The following MAD1L1 variants were observed in gnomAD, a reference collection of about 807,000 sequenced individuals.
MAD1L1 encodes the protein mitotic spindle assembly checkpoint protein MAD1.
A neutral mutation model predicts 96.9 loss-of-function variants in MAD1L1; 95 were observed. The ratio of observed to expected loss-of-function variants is 0.98; its 90% CI spans 0.83 to 1.16. The LOEUF (loss-of-function observed/expected upper bound fraction) is 1.16, where lower values mean the gene tolerates loss of function less well. Ranked by LOEUF, MAD1L1 falls within the 50% of genes most tolerant of loss-of-function variation. The probability of loss-of-function intolerance (pLI) is 0.00; values close to 1 mark genes in which losing one functional copy is unlikely to be tolerated. For synonymous variants in MAD1L1, 473 were observed against 396.6 expected (o/e 1.19, Z -2.29); for missense variants, 1,007 against 954.4 (o/e 1.06, Z -0.73).
chr7:1,858,450 T>C (rs946430709), intron 18 of MAD1L1, among the ~76,000 whole-genome samples: 5 of 152,242 alleles, frequency 3.3e-5, no homozygotes, highest in Non-Finnish European at 5.9e-5. Context: ...ACCCAGGGGC[T>C]CTGCGTGTGA....
At chr7:2,005,477 G>A (rs1022190467) in intron 13 of MAD1L1, among the ~76,000 whole-genome samples, 9 of 152,278 alleles carry the variant, frequency 5.9e-5, no homozygotes, top group African/African-American at 1.7e-4. Flanking sequence ...GAATTAGGGA[G>A]GAAAAGAAGG....
At chr7:1,985,343 G>A (rs1281963010) in intron 14 of MAD1L1, among the ~76,000 whole-genome samples, 3 of 152,254 alleles carry the variant, frequency 2.0e-5, no homozygotes, top group East Asian at 3.9e-4. Context: ...CACAGGCTCC[G>A]CTGGTTCTCA....
At chr7:1,902,979 C>T (rs1313586243) in intron 17 of MAD1L1, among the ~76,000 whole-genome samples, 2 of 149,638 alleles carry the variant, frequency 1.3e-5, no homozygotes, top group Admixed American at 6.7e-5. Context: ...ACCCAGTGGC[C>T]TACAGAAGAC....
Position 2,169,275 on chromosome 7 carries a change from G to C in MAD1L1, c.987-20037C>G, listed in dbSNP as rs567007750. Among the ~76,000 whole-genome samples, 231 of 152,270 alleles carry C rather than the reference G, an allele frequency of 1.5e-3. 10 individuals are homozygous for C. The highest frequency in any genetic ancestry group is 5.8e-3 in the South Asian group (28 of 4,820). On this transcript the variant is annotated intron_variant, in intron 10 of 18. Coordinates refer to ENST00000265854, the MANE Select transcript of MAD1L1 (RefSeq NM_001013836.2). Reference sequence around the variant, plus strand: ...GGTAAACCGGAATCTCCTAAGAGCGGGTAGGGATGCGACTGGTGGGATTAC... The same window carrying C: ...GGTAAACCGGAATCTCCTAAGAGCGCGTAGGGATGCGACTGGTGGGATTAC...
intron 10 of MAD1L1, among the ~76,000 whole-genome samples, chr7:2,164,078 G>A (rs1329400015): frequency 3.3e-5 from 5 of 152,154 alleles, no homozygotes; most frequent in African/African-American, 9.7e-5. Context: ...GTCCAGCATG[G>A]ACTCACTGAG....
chr7:1,887,021 A>G (rs909921501), intron 18 of MAD1L1, among the ~76,000 whole-genome samples: 2 of 152,126 alleles, frequency 1.3e-5, no homozygotes, highest in African/African-American at 4.8e-5. Context: ...CAGGAAGAAG[A>G]CTCCACATCT....
chr7:2,115,219 G>A (rs374693591), intron 11 of MAD1L1, among the ~76,000 whole-genome samples: 29 of 152,100 alleles, frequency 1.9e-4, no homozygotes, highest in South Asian at 4.1e-4. Context: ...CGCATGTTCC[G>A]GGGTCAGAGG....
intron 15 of MAD1L1, among the ~76,000 whole-genome samples, chr7:1,978,792 G>A (rs1314000341): frequency 1.3e-5 from 2 of 152,114 alleles, no homozygotes; most frequent in South Asian, 2.1e-4. Flanking sequence ...AGATGAAGAC[G>A]GAGAGCGCGT....
chr7:2,222,966 G>A (rs1793690238), intron 4 of MAD1L1, among the ~76,000 whole-genome samples: 1 of 152,232 alleles, frequency 6.6e-6, no homozygotes, highest in Non-Finnish European at 1.5e-5. Context: ...TGAGCACTGT[G>A]CGAGGTCAGG....
intron 12 of MAD1L1, among the ~76,000 whole-genome samples, chr7:2,045,838 C>A (rs1239365978): frequency 6.6e-6 from 1 of 152,192 alleles, no homozygotes; most frequent in African/African-American, 2.4e-5. Context: ...CCCTAAGCCT[C>A]GGAGCACATG....
chr7:2,019,266 C>G (rs1240020890), intron 12 of MAD1L1, among the ~76,000 whole-genome samples: 1 of 152,204 alleles, frequency 6.6e-6, no homozygotes, highest in African/African-American at 2.4e-5. Context: ...GGGACAGAGG[C>G]TGGGAGAGGC....
At chr7:2,073,640 C>CTT (rs147852145) in intron 11 of MAD1L1, among the ~76,000 whole-genome samples, 6,978 of 152,298 alleles carry the variant, frequency 0.046, 561 homozygotes, top group African/African-American at 0.16. Context: ...TCCTTACAGA[C>CTT]CCGGTCTGAG....
At chr7:1,951,476 C>T (rs1282013799) in intron 16 of MAD1L1, among the ~76,000 whole-genome samples, 1 of 152,212 alleles carries the variant, frequency 6.6e-6, no homozygotes, top group Non-Finnish European at 1.5e-5. Context: ...TCTAAGTGCA[C>T]AGCTCCCTGG....
chr7:1,877,218 C>T lies in MAD1L1; in HGVS notation c.1998+20982G>A, dbSNP rs775493081. On this transcript the variant is annotated intron_variant, in intron 18 of 18. Transcript: ENST00000265854. ...AACCCATGGGCCAATTCTGGCCCACCGCCCGCTTTTGTAATAAAGTTTTAC... is the reference window on the plus strand; with the variant it reads ...AACCCATGGGCCAATTCTGGCCCACTGCCCGCTTTTGTAATAAAGTTTTAC... 3.1e-4 allele frequency among the ~76,000 whole-genome samples: 47 copies of T among 152,038 alleles called. 1 individual carries two copies. The highest frequency in any genetic ancestry group is 5.1e-4 in the Non-Finnish European group (35 of 68,026).
chr7:2,139,589 G>T (rs867762627), intron 11 of MAD1L1, among the ~76,000 whole-genome samples: 174 of 151,794 alleles, frequency 1.1e-3, no homozygotes, highest in African/African-American at 4.1e-3. Flanking sequence ...AAGGCAGACT[G>T]CTGAGAACTC....
intron 12 of MAD1L1, among the ~76,000 whole-genome samples, chr7:2,065,825 G>C (rs1223268775): frequency 6.6e-6 from 1 of 152,192 alleles, no homozygotes; most frequent in Non-Finnish European, 1.5e-5. Context: ...GTGGAGTGCA[G>C]ACAACAAGGG....
At chr7:2,018,284 G>A (rs927420272) in intron 12 of MAD1L1, among the ~76,000 whole-genome samples, 3 of 152,196 alleles carry the variant, frequency 2.0e-5, no homozygotes, top group African/African-American at 4.8e-5. Context: ...GGCAGAGAAC[G>A]CCTCAGCCTC....
At chr7:1,867,567 C>A (rs1021260697) in intron 18 of MAD1L1, among the ~76,000 whole-genome samples, 1 of 152,230 alleles carries the variant, frequency 6.6e-6, no homozygotes, top group Non-Finnish European at 1.5e-5. Context: ...GGCCATGGGG[C>A]GCGGAGGCTT....
intron 4 of MAD1L1, among the ~76,000 whole-genome samples, chr7:2,224,970 A>G (rs1793806718): frequency 6.6e-6 from 1 of 152,234 alleles, no homozygotes; most frequent in South Asian, 2.1e-4. Context: ...CATTTCTGCC[A>G]GACCTGCATT....
Sources: gnomAD v4.1 joint callset for allele counts (sites outside exome capture counted in the v4.1 genomes callset) on GRCh38, gnomAD v4.1.1 for gene constraint, MANE v1.5 for transcripts, NCBI Gene and HGNC (gene_info 2026-07-23, HGNC 2026-07-21) for gene names.